The following KPNA7 variants were observed in gnomAD, a reference collection of about 807,000 sequenced individuals.
KPNA7 encodes karyopherin subunit alpha 7, also known as importin subunit alpha-8.
Under a neutral mutation model 53.7 loss-of-function variants are expected in KPNA7, and 54 were observed. The observed-to-expected ratio is 1.01, with a 90% CI of 0.81 to 1.26. The LOEUF (loss-of-function observed/expected upper bound fraction) is 1.26. KPNA7 is among the 50% of genes most tolerant of loss of function. The pLI is 0.00. For synonymous variants in KPNA7, 276 were observed against 259.3 expected, an observed-to-expected ratio of 1.06 and a Z score of -0.62; for missense variants, 640 against 644.5, an observed-to-expected ratio of 0.99 and a Z score of 0.07.
chr7:99,216,485 G>C (rs73157578), intron 1 of KPNA7, among the ~76,000 whole-genome samples: 5,077 of 152,220 alleles, frequency 0.033, 83 homozygotes, highest in African/African-American at 0.048. Flanking sequence ...CCCCTGCCCT[G>C]TGTGACAGGT....
At chr7:99,150,700 G>C in the KPNA7 span, among the ~76,000 whole-genome samples, 1 of 152,178 alleles carries the variant, frequency 6.6e-6, no homozygotes, top group Non-Finnish European at 1.5e-5. Context: ...ACAGGCATGA[G>C]CCATCGCGCC....
chr7:99,207,677 C>G (rs1790891016), intron 1 of KPNA7, among the ~76,000 whole-genome samples, 188 bp from the exon 2 acceptor site: 1 of 115,500 alleles, frequency 8.7e-6, no homozygotes, highest in African/African-American at 3.3e-5. Flanking sequence ...GCTCTGTTGC[C>G]CAGACTTGAG....
At position 99,188,254 on chromosome 7, in the gene KPNA7, CTA is replaced by C. The variant is rs747351392; in HGVS notation, c.900+44_900+45del. ...CTTGCCCCAGAACCTGCTAAAGTGA[CTA>C]TGACCCGAGGACTCGAATCCACAGG... On this transcript the variant is annotated intron_variant, in intron 7 of 10. Coordinates refer to ENST00000327442, the MANE Select transcript of KPNA7 (RefSeq NM_001145715.3). 2.7e-5 allele frequency: 40 copies of C among 1,482,684 alleles called. No individual in the cohort carries two copies. The East Asian group carries it at 1.1e-3, about 40-fold the overall frequency. 91.8% of individuals were successfully genotyped at this position (1,482,684 alleles called of 1,614,324 possible).
At chr7:99,199,270 T>C (rs951734973) in intron 3 of KPNA7, among the ~76,000 whole-genome samples, 2 of 151,870 alleles carry the variant, frequency 1.3e-5, no homozygotes, top group African/African-American at 2.4e-5. Context: ...CATATGGAAA[T>C]ACAAAGGGTC....
Position 99,203,119 on chromosome 7 carries a change from G to C in KPNA7, c.188C>G (p.Ala63Gly), listed in dbSNP as rs1317958481. 4 of 1,551,600 alleles carry C rather than the reference G, an allele frequency of 2.6e-6. No homozygotes were observed. In the South Asian group the frequency reaches 4.8e-5, roughly 18 times the overall value. ...CTACATACTGACCGCCACCCCTTTG[G>C]CTGTTTTTTCAGAAGGTGTGTCAGG... ...FCPDTPSEKT[A>G]KGVAVSLTLG... The change falls in exon 3 of 11, where the codon GCC becomes GGC. Residue 63 changes from alanine to glycine, a missense_variant. Coordinates refer to ENST00000327442, the MANE Select transcript of KPNA7 (RefSeq NM_001145715.3).
chr7:99,215,046 G>A (rs1311916440), intron 1 of KPNA7, among the ~76,000 whole-genome samples: 3 of 151,978 alleles, frequency 2.0e-5, no homozygotes, highest in African/African-American at 7.2e-5. Flanking sequence ...ATTGCCAAGG[G>A]AACTGCTCAT....
At chr7:99,202,390 G>C (rs1022413479) in intron 3 of KPNA7, among the ~76,000 whole-genome samples, 1 of 152,164 alleles carries the variant, frequency 6.6e-6, no homozygotes, top group Non-Finnish European at 1.5e-5. Flanking sequence ...ATTTAATAAG[G>C]TTGGGGTAGA....
chr7:99,178,893 C>T (rs548617133), intron 9 of KPNA7, among the ~76,000 whole-genome samples: 18 of 151,396 alleles, frequency 1.2e-4, no homozygotes, highest in Non-Finnish European at 1.9e-4. Flanking sequence ...AGAGATTCTC[C>T]TGCCTCAGTT....
intron 3 of KPNA7, among the ~76,000 whole-genome samples, chr7:99,196,764 C>T (rs1315319201): frequency 1.3e-5 from 2 of 152,110 alleles, no homozygotes; most frequent in African/African-American, 4.8e-5. Flanking sequence ...TAGGTAGGTC[C>T]TCCTTTGGAG....
intron 3 of KPNA7, among the ~76,000 whole-genome samples, chr7:99,198,228 A>C (rs192376217): frequency 3.3e-5 from 5 of 152,170 alleles, no homozygotes; most frequent in Middle Eastern, 3.2e-3. Context: ...ATCTCAAAAA[A>C]AACAACAACA....
intron 1 of KPNA7, among the ~76,000 whole-genome samples, chr7:99,215,123 C>CA (rs1401754036): frequency 6.6e-6 from 1 of 151,926 alleles, no homozygotes; most frequent in Non-Finnish European, 1.5e-5. Flanking sequence ...CCTGTAATTC[C>CA]AGCACTTTGG....
At chr7:99,204,866 A>G (rs374826434) in intron 2 of KPNA7, among the ~76,000 whole-genome samples, 1 of 152,146 alleles carries the variant, frequency 6.6e-6, no homozygotes, top group East Asian at 1.9e-4. Context: ...AAATAATAAT[A>G]AAAGGAAAAA....
At chr7:99,178,102 C>G (rs1798988551) in intron 9 of KPNA7, 36 bp from the exon 10 acceptor site, 17 of 1,544,592 alleles carry the variant, frequency 1.1e-5, no homozygotes, top group Non-Finnish European at 1.3e-5. Flanking sequence ...AGACCCCCGG[C>G]AGGAGCCTTT....
At chr7:99,176,836 C>G (rs549666363) in intron 10 of KPNA7, among the ~76,000 whole-genome samples, 3 of 152,006 alleles carry the variant, frequency 2.0e-5, no homozygotes. Flanking sequence ...GCAACCATTG[C>G]GGCCATTGCC....
downstream of KPNA7, among the ~76,000 whole-genome samples, chr7:99,173,062 CAAAAAAAAAA>C (rs923484332): frequency 7.0e-5 from 4 of 57,166 alleles, no homozygotes; most frequent in African/African-American, 1.9e-4. Flanking sequence ...AACTCCATCT[CAAAAAAAAAA>C]AAAAAAAAAA....
At chr7:99,178,359 A>G (rs2150701910) in intron 9 of KPNA7, among the ~76,000 whole-genome samples, 1 of 152,252 alleles carries the variant, frequency 6.6e-6, no homozygotes, top group Non-Finnish European at 1.5e-5. Context: ...ACTTGAGGTC[A>G]GGAGTCTGAG....
intron 3 of KPNA7, among the ~76,000 whole-genome samples, chr7:99,200,521 G>T (rs1407867804): frequency 6.6e-6 from 1 of 152,146 alleles, no homozygotes. Context: ...GGGGTGCCAC[G>T]ATACAGCCTA....
intron 1 of KPNA7, among the ~76,000 whole-genome samples, chr7:99,216,957 C>T (rs567080913): frequency 6.6e-6 from 1 of 152,262 alleles, no homozygotes; most frequent in Admixed American, 6.5e-5. Context: ...TGGGGCATTT[C>T]AGGCCATTTT....
At chr7:99,193,328 GAGCCA>G (rs1485370090) in intron 5 of KPNA7, among the ~76,000 whole-genome samples, 20 of 152,228 alleles carry the variant, frequency 1.3e-4, no homozygotes, top group Non-Finnish European at 2.5e-4. Flanking sequence ...GCTAGAAGCA[GAGCCA>G]GCCAACTCAG....
Sources: allele counts gnomAD v4.1 joint callset (sites outside exome capture counted in the v4.1 genomes callset), GRCh38; gene constraint gnomAD v4.1.1; transcripts MANE v1.5; gene names NCBI Gene and HGNC (gene_info 2026-07-23, HGNC 2026-07-21).